Variants in TBC1D8 observed in about 807,000 individuals in gnomAD.
The protein encoded by TBC1D8 is BUB2-like protein 1.
In TBC1D8, 65 loss-of-function variants were observed where a neutral mutation model predicts 118.8. That is an observed-to-expected ratio of 0.55 (90% CI 0.45 to 0.67). TBC1D8 has a LOEUF of 0.67. Ranked by LOEUF, TBC1D8 falls within the 30% of genes least tolerant of loss-of-function variation. The pLI, the probability that TBC1D8 is intolerant of heterozygous loss-of-function variation, is 0.00. For synonymous variants in TBC1D8, 566 were observed against 595.8 expected, an observed-to-expected ratio of 0.95 and a Z score of 0.73; for missense variants, 1,376 against 1,471.2, an observed-to-expected ratio of 0.94 and a Z score of 1.06.
At chr2:101,037,483 G>C in intron 8 of TBC1D8, 49 bp downstream of exon 8, 1 of 1,590,638 alleles carries the variant, frequency 6.3e-7, no homozygotes, top group Non-Finnish European at 8.5e-7. Flanking sequence ...ACCCCCCCAA[G>C]CCCACGGCTC....
chr2:101,020,958 T>TG (rs905193084), intron 17 of TBC1D8, among the ~76,000 whole-genome samples: 10 of 152,040 alleles, frequency 6.6e-5, no homozygotes, highest in Admixed American at 3.3e-4. Context: ...CACGGGGAGT[T>TG]GGGGGGGTTC....
In TBC1D8 at chr2:101,007,397, C is replaced by CAGAT. The variant is rs1233770556; in HGVS notation, c.*420_*423dup. On this transcript the variant is annotated 3_prime_UTR_variant, in exon 20 of 20. Transcript: ENST00000409318. Reference sequence around the variant, plus strand: ...CAAAAAAAAGCCAAATACAATTGCACAGATAGTGGACTCCCTTAGATCTTG... The same window carrying CAGAT: ...CAAAAAAAAGCCAAATACAATTGCACAGATAGATAGTGGACTCCCTTAGATCTTG... 1.0e-4 allele frequency: 17 copies of CAGAT among 166,380 alleles called. No homozygotes were observed. The East Asian group carries it at 1.7e-3, about 17-fold the overall frequency. The allele number at this position is 166,380 out of a possible 1,614,324, so 10.3% of individuals were successfully genotyped here.
At chr2:101,023,505 A>G (rs944633042) in intron 15 of TBC1D8, 6 of 331,876 alleles carry the variant, frequency 1.8e-5, no homozygotes, top group Non-Finnish European at 3.0e-5. Context: ...TACAGAAGGA[A>G]CTAATAACCC....
Position 101,122,383 on chromosome 2 carries a change from C to CAAAAAA in TBC1D8, c.127+28738_127+28743dup, listed in dbSNP as rs70943064. 7.2e-4 allele frequency among the ~76,000 whole-genome samples: 52 copies of CAAAAAA among 71,932 alleles called. 3 individuals carry two copies. Among genetic ancestry groups the CAAAAAA allele is most frequent in the African/African-American group, 1.7e-3 (38 of 22,568 alleles). The allele number at this position is 71,932 out of a possible 152,430, so 47.2% of individuals were successfully genotyped here. On this transcript the variant is annotated intron_variant, in intron 1 of 19. Transcript: ENST00000409318. ...ACCGCGCCCGGCCAAGACTCCATTT[C>CAAAAAA]AAAAAAAAAAAAAAAAAAAAAAAAA...
intron 4 of TBC1D8, 151 bp downstream of exon 4, chr2:101,053,957 T>C (rs1682223536): frequency 2.9e-6 from 2 of 678,726 alleles, no homozygotes; most frequent in Non-Finnish European, 5.0e-6. Context: ...CTGCTAGCAG[T>C]AGCATATATA....
At chr2:101,083,962 T>C (rs1675429811) in intron 2 of TBC1D8, among the ~76,000 whole-genome samples, 1 of 152,180 alleles carries the variant, frequency 6.6e-6, no homozygotes, top group Non-Finnish European at 1.5e-5. Flanking sequence ...CACTCAACAA[T>C]TCTCTCTTCC....
chr2:101,109,967 T>C (rs1677492200), intron 1 of TBC1D8: 1 of 985,324 alleles, frequency 1.0e-6, no homozygotes, highest in African/African-American at 1.7e-5. Context: ...TGCTTTCCTT[T>C]CCGCAGCAGT....
chr2:101,088,334 G>A (rs113386984), intron 2 of TBC1D8, among the ~76,000 whole-genome samples: 2,663 of 151,012 alleles, frequency 0.018, 61 homozygotes, highest in African/African-American at 0.054. Flanking sequence ...TCACTCTGTC[G>A]CCCAGGCTGG....
At chr2:101,069,505 G>A (rs887211118) in intron 2 of TBC1D8, among the ~76,000 whole-genome samples, 2 of 152,174 alleles carry the variant, frequency 1.3e-5, no homozygotes, top group African/African-American at 4.8e-5. Context: ...AGAACTGCTT[G>A]AACCTGGGAG....
chr2:101,048,416 C>T (rs969611998), intron 5 of TBC1D8, among the ~76,000 whole-genome samples: 6 of 152,068 alleles, frequency 3.9e-5, no homozygotes, highest in East Asian at 1.9e-4. Context: ...GGACACTGCC[C>T]CAAGCGTGTC....
chr2:101,033,212 G>A (rs1212258869), intron 10 of TBC1D8, among the ~76,000 whole-genome samples: 2 of 151,696 alleles, frequency 1.3e-5, no homozygotes, highest in South Asian at 2.1e-4. Flanking sequence ...CGACTCCCTG[G>A]TTCAAGTGAT....
intron 1 of TBC1D8, among the ~76,000 whole-genome samples, chr2:101,141,757 T>A: frequency 1.4e-5 from 2 of 143,754 alleles, no homozygotes; most frequent in African/African-American, 2.6e-5. Context: ...TAAAAAAAAA[T>A]ACATACAATT....
chr2:101,030,953 G>C (rs1434226774), intron 11 of TBC1D8, among the ~76,000 whole-genome samples: 4 of 152,196 alleles, frequency 2.6e-5, no homozygotes, highest in African/African-American at 9.6e-5. Flanking sequence ...CATGGTGATA[G>C]AACTCAGTAC....
At chr2:101,028,253 C>G in intron 13 of TBC1D8, 50 bp downstream of exon 13, 2 of 1,588,740 alleles carry the variant, frequency 1.3e-6, no homozygotes, top group East Asian at 4.5e-5. Context: ...AGTCACAATT[C>G]CCGGGGGGTT....
chr2:101,009,262 C>T (rs1233696409), intron 19 of TBC1D8, among the ~76,000 whole-genome samples: 14 of 151,966 alleles, frequency 9.2e-5, no homozygotes, highest in Admixed American at 9.2e-4. Flanking sequence ...AAAAATTAGC[C>T]GGGCTTGGTG....
intron 2 of TBC1D8, among the ~76,000 whole-genome samples, chr2:101,063,109 A>G (rs1003542434): frequency 3.9e-5 from 6 of 152,212 alleles, no homozygotes; most frequent in African/African-American, 1.4e-4. Context: ...GTTTTCATTT[A>G]TCCTGCTATT....
intron 11 of TBC1D8, among the ~76,000 whole-genome samples, chr2:101,031,363 T>G (rs1291838381): frequency 1.3e-5 from 2 of 152,206 alleles, no homozygotes; most frequent in Non-Finnish European, 2.9e-5. Flanking sequence ...ACCACCCACC[T>G]GCCCCTCCTT....
At chr2:101,098,810 C>G (rs1558700357) in intron 1 of TBC1D8, among the ~76,000 whole-genome samples, 1 of 152,052 alleles carries the variant, frequency 6.6e-6, no homozygotes, top group Non-Finnish European at 1.5e-5. Flanking sequence ...TTCTTTGAAA[C>G]CAATGAGAAC....
At chr2:101,132,005 G>A (rs1180084397) in intron 1 of TBC1D8, among the ~76,000 whole-genome samples, 1 of 152,016 alleles carries the variant, frequency 6.6e-6, no homozygotes, top group Non-Finnish European at 1.5e-5. Context: ...CAAAGTAGAC[G>A]GGTGCTTCCA....
Sources: gnomAD v4.1 joint callset for allele counts (sites outside exome capture counted in the v4.1 genomes callset) on GRCh38, gnomAD v4.1.1 for gene constraint, MANE v1.5 for transcripts, NCBI Gene and HGNC (gene_info 2026-07-23, HGNC 2026-07-21) for gene names.